The following DENND2A variants were observed in gnomAD, a reference collection of about 807,000 sequenced individuals.
DENND2A encodes DENN domain-containing protein 2A.
In DENND2A, 53 loss-of-function variants were observed where a neutral mutation model predicts 105.3. The observed-to-expected ratio is 0.50, with a 90% CI of 0.40 to 0.63. The LOEUF is 0.63. Ranked by LOEUF, DENND2A falls within the 30% of genes least tolerant of loss-of-function variation. DENND2A has a pLI of 0.00. For missense variants in DENND2A, 1,138 were observed against 1,279.6 expected (o/e 0.89, Z 1.69); for synonymous variants, 522 against 508.4 (o/e 1.03, Z -0.36).
At chr7:140,598,208 G>C (rs1799355249) in intron 3 of DENND2A, among the ~76,000 whole-genome samples, 2 of 152,206 alleles carry the variant, frequency 1.3e-5, no homozygotes, top group African/African-American at 2.4e-5. Context: ...GAATGGATCA[G>C]AGCAGAAGAA....
chr7:140,597,367 G>A (rs748512471), intron 3 of DENND2A, among the ~76,000 whole-genome samples: 11 of 152,156 alleles, frequency 7.2e-5, no homozygotes, highest in East Asian at 5.8e-4. Context: ...AGGGTGGTGC[G>A]TCTGCCAAAT....
At chr7:140,593,483 G>A (rs1799148372) in intron 3 of DENND2A, among the ~76,000 whole-genome samples, 1 of 152,234 alleles carries the variant, frequency 6.6e-6, no homozygotes, top group South Asian at 2.1e-4. Context: ...GTGATTCTGA[G>A]TCGTATTTTG....
At chr7:140,598,318 C>T (rs1449885739) in intron 3 of DENND2A, among the ~76,000 whole-genome samples, 1 of 152,134 alleles carries the variant, frequency 6.6e-6, no homozygotes, top group Non-Finnish European at 1.5e-5. Flanking sequence ...TATAAATGGA[C>T]ACTAACTTGA....
In DENND2A at chr7:140,583,307, T is replaced by TCAAA. The variant is rs760898302; in HGVS notation, c.1245+2278_1245+2281dup. ...CTGGGCGACAGTACGAGACTCTGTC[T>TCAAA]CAAACAAACAAACAAACAAGCAAAC... On this transcript the variant is annotated intron_variant, in intron 5 of 19. Transcript: ENST00000496613. 3.3e-4 allele frequency among the ~76,000 whole-genome samples: 50 copies of TCAAA among 149,978 alleles called. 2 individuals carry two copies. Among genetic ancestry groups the TCAAA allele is most frequent in the South Asian group, 1.0e-3 (5 of 4,766 alleles).
At chr7:140,546,465 A>G (rs1225191817) in intron 13 of DENND2A, among the ~76,000 whole-genome samples, 1 of 152,222 alleles carries the variant, frequency 6.6e-6, no homozygotes, top group Non-Finnish European at 1.5e-5. Context: ...CAGACTTGAA[A>G]TGTAAATAGG....
intron 19 of DENND2A, among the ~76,000 whole-genome samples, 196 bp from the exon 20 acceptor site, chr7:140,518,934 G>A (rs1383153595): frequency 1.3e-5 from 2 of 152,182 alleles, no homozygotes; most frequent in African/African-American, 4.8e-5. Flanking sequence ...CAGACTTGAG[G>A]GGGTTTGAAA....
rs762264653 is a variant in DENND2A, at chr7:140,521,880, C to T, written c.2886G>A (p.Arg962=). 1 of 1,614,096 alleles carries T rather than the reference C, an allele frequency of 6.2e-7. No individual in the cohort carries two copies. Among genetic ancestry groups the T allele is most frequent in the Non-Finnish European group, 8.5e-7 (1 of 1,180,046 alleles). The change falls in exon 18 of 20, where the codon CGG becomes CGA. Residue 962 remains arginine (R), a synonymous_variant. Coordinates refer to ENST00000496613, the MANE Select transcript of DENND2A (RefSeq NM_015689.5). ...TQMFRGFIQE[R]ELRRQDAKGL... is the part of the protein sequence containing the mutation. ...CTTTGGCATCCTGCCGGCGCAGCTC[C>T]CGCTCCTGGATGAAGCCCCGAAACA...
At chr7:140,568,729 T>C in intron 8 of DENND2A, 34 bp downstream of exon 8, 1 of 1,613,032 alleles carries the variant, frequency 6.2e-7, no homozygotes, top group Non-Finnish European at 8.5e-7. Context: ...CCAAGTCACC[T>C]GCCTGAGTCC....
intron 14 of DENND2A, among the ~76,000 whole-genome samples, chr7:140,528,927 T>C (rs6980049): frequency 6.6e-6 from 1 of 151,604 alleles, no homozygotes; most frequent in Admixed American, 6.6e-5. Flanking sequence ...AACATGGTGA[T>C]ACCTCATCTC....
chr7:140,535,965 G>A, intron 14 of DENND2A, among the ~76,000 whole-genome samples: 1 of 152,166 alleles, frequency 6.6e-6, no homozygotes, highest in Non-Finnish European at 1.5e-5. Context: ...CTTTTGTTGA[G>A]GCCATCAAAA....
chr7:140,580,826 G>A (rs1339166803), intron 5 of DENND2A, among the ~76,000 whole-genome samples: 4 of 151,620 alleles, frequency 2.6e-5, no homozygotes, highest in Non-Finnish European at 5.9e-5. Context: ...TAGTAGAGAC[G>A]GGGTTTCACC....
intron 2 of DENND2A, among the ~76,000 whole-genome samples, chr7:140,603,377 C>G (rs1799588151): frequency 6.6e-6 from 1 of 152,184 alleles, no homozygotes; most frequent in Non-Finnish European, 1.5e-5. Flanking sequence ...ACAGGCAGTT[C>G]TTTGCAATGA....
chr7:140,543,121 CTTTTTT>C (rs35896324), intron 14 of DENND2A, among the ~76,000 whole-genome samples: 61 of 139,234 alleles, frequency 4.4e-4, no homozygotes, highest in Admixed American at 8.0e-4. Flanking sequence ...CTTTTCTTTT[CTTTTTT>C]TTTTTTTTTT....
chr7:140,523,573 T>C lies in DENND2A; in HGVS notation c.2548-149A>G, dbSNP rs989162584. ...GAAAGCCAGAGGTCTGAGGTTTCAA[T>C]CTTGAGCCTACTTTTTTTTTTGAGA... On this transcript the variant is annotated intron_variant, in intron 16 of 19. Transcript: ENST00000496613. The surrounding 1 kb of genome is among the most constrained non-coding windows in gnomAD (Gnocchi z 4.5). 1 of 658,476 alleles carries C rather than the reference T, an allele frequency of 1.5e-6. No homozygotes were observed. The highest frequency in any genetic ancestry group is 2.9e-5 in the Admixed American group (1 of 34,928). The allele number at this position is 658,476 out of a possible 1,614,324, so 40.8% of individuals were successfully genotyped here. A position where few individuals can be genotyped will look rare whatever the true frequency, so the allele number is the denominator to read the frequency against.
chr7:140,601,838 G>A lies in DENND2A; in HGVS notation c.560C>T (p.Ser187Phe). The A allele has an allele frequency of 6.2e-7, 1 of 1,614,148 alleles. No individual in the cohort carries two copies. Residue 187 changes from serine (S) to phenylalanine (F), a missense_variant, in exon 3 of 20, where the codon TCC (serine) becomes TTC (phenylalanine). By Grantham distance (155) the Ser-to-Phe change is radical. Transcript: ENST00000496613. ...TGCCTTGTCAGGAGGGCAGTGTGGGGAGTAACAAGTCCCTGGTAACTGGGG... is the reference window on the plus strand; with the variant it reads ...TGCCTTGTCAGGAGGGCAGTGTGGGAAGTAACAAGTCCCTGGTAACTGGGG... ...LDPQLPGTCY[S>F]PHCPPDKAEA...
rs939523099 is a variant in DENND2A at position 140,523,592 on chromosome 7, T to C, written c.2548-168A>G. On this transcript the variant is annotated intron_variant, in intron 16 of 19. Coordinates refer to ENST00000496613, the MANE Select transcript of DENND2A (RefSeq NM_015689.5). This position sits in a 1 kb window ranked among gnomAD's most constrained non-coding sequence, Gnocchi z 4.5. ...TTTCAATCTTGAGCCTACTTTTTTTTTTGAGACAGAGTTTCACTCTTGTCG... is the reference window on the plus strand; with the variant it reads ...TTTCAATCTTGAGCCTACTTTTTTTCTTGAGACAGAGTTTCACTCTTGTCG... 1.3e-5 allele frequency among the ~76,000 whole-genome samples: 2 copies of C among 152,166 alleles called. No homozygotes were observed. The highest frequency in any genetic ancestry group is 4.8e-5 in the African/African-American group (2 of 41,450).
At chr7:140,568,689 A>G (rs1797969718) in intron 8 of DENND2A, 74 bp downstream of exon 8, 1 of 1,472,490 alleles carries the variant, frequency 6.8e-7, no homozygotes, top group South Asian at 1.1e-5. Flanking sequence ...TGTCCCTCAT[A>G]CTAAGGAGGA....
At chr7:140,582,254 C>A (rs910212257) in intron 5 of DENND2A, among the ~76,000 whole-genome samples, 1 of 152,142 alleles carries the variant, frequency 6.6e-6, no homozygotes, top group East Asian at 1.9e-4. Context: ...CAGGAGCCAC[C>A]GCGCTTGGCC....
rs1377143244 is a variant in DENND2A, at chr7:140,559,685, G to A, written c.1889+23C>T. 3.8e-6 allele frequency: 6 copies of A among 1,579,220 alleles called. No individual in the cohort carries two copies. Among genetic ancestry groups the A allele is most frequent in the Admixed American group, 1.7e-5 (1 of 59,728 alleles). Reference sequence around the variant, plus strand: ...GTCTCGCCTTAGTCTTTGGGGCTGCGAAGGGGAGAAGCCAGCTCGTACCTG... The same window carrying A: ...GTCTCGCCTTAGTCTTTGGGGCTGCAAAGGGGAGAAGCCAGCTCGTACCTG... On this transcript the variant is annotated intron_variant, in intron 10 of 19. Transcript: ENST00000496613. The surrounding 1 kb of genome is among the most constrained non-coding windows in gnomAD (Gnocchi z 4.1).
Sources: allele counts gnomAD v4.1 joint callset (sites outside exome capture counted in the v4.1 genomes callset), GRCh38; gene constraint gnomAD v4.1.1; non-coding constraint Gnocchi (gnomAD v3.1); transcripts MANE v1.5; gene names NCBI Gene and HGNC (gene_info 2026-07-23, HGNC 2026-07-21).